WDR74: variants seen among roughly 807,000 people sequenced by gnomAD.
WDR74 encodes the protein WD repeat domain 74.
WDR74 carries 31 observed loss-of-function variants against 45.6 expected under a neutral mutation model. That is an observed-to-expected ratio of 0.68 (90% confidence interval 0.51 to 0.92). The LOEUF (loss-of-function observed/expected upper bound fraction) is 0.92, where lower values mean the gene tolerates loss of function less well. Ranked by LOEUF, WDR74 falls within the 40% of genes least tolerant of loss-of-function variation. The pLI, the probability that WDR74 is intolerant of heterozygous loss-of-function variation, is 0.00. For synonymous variants in WDR74, 191 were observed against 192.4 expected, an observed-to-expected ratio of 0.99 and a Z score of 0.06; for missense variants, 455 against 497.2, an observed-to-expected ratio of 0.92 and a Z score of 0.81.
upstream of WDR74, among the ~76,000 whole-genome samples, chr11:62,841,381 G>A (rs75212707): frequency 0.085 from 12,981 of 152,160 alleles, 688 homozygotes; most frequent in East Asian, 0.15. Flanking sequence ...GCGCTCAATA[G>A]TTCCAACTAC....
In WDR74 at chr11:62,833,830, T is replaced by A; in HGVS notation, c.883A>T (p.Ile295Leu). 1.2e-6 allele frequency: 2 copies of A among 1,613,934 alleles called. No individual in the cohort carries two copies. The highest frequency in any genetic ancestry group is 1.7e-6 in the Non-Finnish European group (2 of 1,179,872). Residue 295 changes from isoleucine to leucine, a missense_variant, in exon 9 of 11, where the codon ATA (isoleucine) becomes TTA (leucine). By Grantham distance (5) the Ile-to-Leu change is conservative. Transcript: ENST00000278856. Reference protein sequence around the residue: ...ASCGLDRVLRIHRIQNPRGLE... With the variant: ...ASCGLDRVLRLHRIQNPRGLE... The stretch of plus-strand genomic sequence containing the variant: ...CCCCGTGGATTCTGGATCCTGTGTA[T>A]CCTCAAGACTCTGTCCAAGCCACAG...
chr11:62,838,769 A>C (rs1255886336), intron 3 of WDR74, among the ~76,000 whole-genome samples: 5 of 151,828 alleles, frequency 3.3e-5, no homozygotes, highest in Admixed American at 6.6e-5. Flanking sequence ...CCAAAAAAAA[A>C]AAAAACAAAA....
Position 62,833,105 on chromosome 11 carries a change from G to A in WDR74, c.1005C>T (p.Pro335=), listed in dbSNP as rs2084896735. 6.2e-7 allele frequency: 1 copy of A among 1,612,896 alleles called. No homozygotes were observed. Among genetic ancestry groups the A allele is most frequent in the Non-Finnish European group, 8.5e-7 (1 of 1,179,548 alleles). ...CTGTGTCTTCTAGGGGCACCTTGTT[G>A]GGTTCTTGAGGCTCTTGGGGCTCAT... The part of the protein sequence containing the change: ...WEDEPQEPQE[P]NKVPLEDTET... Residue 335 remains proline, a synonymous_variant, in exon 11 of 11, where the codon CCC becomes CCT. Transcript: ENST00000278856.
chr11:62,833,473 G>A lies in WDR74; in HGVS notation c.978+145C>T, dbSNP rs1419707564. 3.8e-5 allele frequency: 39 copies of A among 1,024,758 alleles called. 1 individual carries two copies. The South Asian group carries it at 6.0e-4, about 16-fold the overall frequency. 63.5% of individuals were successfully genotyped at this position (1,024,758 alleles called of 1,614,324 possible). ...CAATAACCCTCTCAGGATTTTAACT[G>A]TTAATGCCTCTCAGAGAAATTAAGT... On this transcript the variant is annotated intron_variant, in intron 10 of 10. Coordinates refer to ENST00000278856, the MANE Select transcript of WDR74 (RefSeq NM_001369450.1).
chr11:62,841,606 T>TCTCTCCC (rs1565225787), upstream of WDR74: 1 of 152,116 alleles, frequency 6.6e-6, no homozygotes, highest in Non-Finnish European at 1.5e-5. Flanking sequence ...CAACGGTTGT[T>TCTCTCCC]CTCTCCCCGA....
chr11:62,837,301 T>C (rs1247300457), intron 3 of WDR74, among the ~76,000 whole-genome samples: 2 of 152,044 alleles, frequency 1.3e-5, no homozygotes, highest in Non-Finnish European at 2.9e-5. Context: ...CAGACTAGCC[T>C]GGCCAACATA....
In WDR74 at chr11:62,834,482, C is replaced by G; in HGVS notation, c.664G>C (p.Glu222Gln). ...AGTGGGTACTCTCCATAGGTGGTCT[C>G]TAGGACTGGCCGGCGCTGGGGGGAT... is the stretch of plus-strand genomic sequence containing the variant. ...PASPQRRPVL[E>Q]TTYGEYPLTA... Residue 222 changes from glutamate (E) to glutamine (Q), a missense_variant, in exon 7 of 11, where the codon GAG becomes CAG. Transcript: ENST00000278856. The G allele has an allele frequency of 6.3e-7, 1 of 1,598,530 alleles. No individual in the cohort carries two copies. The highest frequency in any genetic ancestry group is 1.7e-4 in the Middle Eastern group (1 of 5,992).
chr11:62,839,542 T>G lies in WDR74; in HGVS notation c.29A>C (p.His10Pro), dbSNP rs771676502. The G allele has an allele frequency of 6.2e-7, 1 of 1,613,204 alleles. No individual in the cohort carries two copies. The highest frequency in any genetic ancestry group is 8.5e-7 in the Non-Finnish European group (1 of 1,179,674). MAAAAARWN[H>P]VWVGTETGIL... The stretch of plus-strand genomic sequence containing the variant: ...CCCAGTCTCGGTGCCGACCCACACA[T>G]GGTTCCAGCGTGCAGCAGCAGCCGC... Residue 10 changes from histidine to proline, a missense_variant, in exon 1 of 11, where the codon CAT becomes CCT. His to Pro is a moderately conservative substitution (Grantham distance 77). Coordinates refer to ENST00000278856, the MANE Select transcript of WDR74 (RefSeq NM_001369450.1).
rs1057041693 is a variant in WDR74 at position 62,837,001 on chromosome 11, G to A, written c.294-965C>T. On this transcript the variant is annotated intron_variant, in intron 3 of 10. Transcript: ENST00000278856. ...TGAGGCAGGAGAATCGCCTGAACCAGGGAGGTGGAGGTTGCAGTGAGCCGA... is the reference window on the plus strand; with the variant it reads ...TGAGGCAGGAGAATCGCCTGAACCAAGGAGGTGGAGGTTGCAGTGAGCCGA... Among the ~76,000 whole-genome samples the A allele has an allele frequency of 2.6e-5, 4 of 152,176 alleles. No individual in the cohort carries two copies. The East Asian group carries it at 7.7e-4, about 29-fold the overall frequency.
At chr11:62,837,235 G>A (rs145134701) in intron 3 of WDR74, among the ~76,000 whole-genome samples, 70 of 150,802 alleles carry the variant, frequency 4.6e-4, no homozygotes, top group African/African-American at 1.6e-3. Flanking sequence ...GTTCACGCCT[G>A]TAATCCCAGC....
At chr11:62,835,209 T>G (rs1444898176) in intron 6 of WDR74, 7 of 552,040 alleles carry the variant, frequency 1.3e-5, no homozygotes, top group Non-Finnish European at 2.3e-5. Context: ...TCTCCTTTCC[T>G]CTCTTCCAGG....
intron 3 of WDR74, among the ~76,000 whole-genome samples, chr11:62,837,285 G>A (rs1402597118): frequency 6.6e-6 from 1 of 152,026 alleles, no homozygotes; most frequent in African/African-American, 2.4e-5. Context: ...CTGAGGTCAG[G>A]AGTTCCAGAC....
rs746358516 is a variant in WDR74 at position 62,839,526 on chromosome 11, G to A, written c.45C>T (p.Thr15=). ...ACCCACCTTTCAAGATCCCAGTCTC[G>A]GTGCCGACCCACACATGGTTCCAGC... The part of the protein sequence containing the change: ...AARWNHVWVG[T]ETGILKGVNL... The change falls in exon 1 of 11, where the codon ACC becomes ACT. Residue 15 remains threonine (T), a synonymous_variant. Coordinates refer to ENST00000278856, the MANE Select transcript of WDR74 (RefSeq NM_001369450.1). The A allele has an allele frequency of 5.6e-6, 9 of 1,613,408 alleles. No homozygotes were observed. The highest frequency in any genetic ancestry group is 2.7e-5 in the African/African-American group (2 of 74,920).
At chr11:62,841,513 C>G (rs115367209), upstream of WDR74, 14 of 152,054 alleles carry the variant, frequency 9.2e-5, no homozygotes, top group South Asian at 1.2e-3. Flanking sequence ...AACACACTAG[C>G]GATAAAAACA....
At chr11:62,838,452 G>A (rs372502336) in intron 3 of WDR74, among the ~76,000 whole-genome samples, 3 of 151,294 alleles carry the variant, frequency 2.0e-5, no homozygotes, top group Admixed American at 6.6e-5. Flanking sequence ...ACCACACCCA[G>A]CCTTGCTTAA....
intron 10 of WDR74, 85 bp from the exon 11 acceptor site, chr11:62,833,216 G>C: frequency 7.0e-7 from 1 of 1,420,344 alleles, no homozygotes; most frequent in Non-Finnish European, 9.6e-7. Flanking sequence ...GGGAGACCAA[G>C]GCAGGAGGAT....
chr11:62,836,130 TA>T, intron 3 of WDR74, 94 bp from the exon 4 acceptor site: 1 of 1,262,012 alleles, frequency 7.9e-7, no homozygotes, highest in Non-Finnish European at 1.1e-6. Flanking sequence ...GACTAATGTT[TA>T]AAGAAAAAAA....
chr11:62,841,680 A>T (rs1201146290), upstream of WDR74: 1 of 152,006 alleles, frequency 6.6e-6, no homozygotes, highest in Non-Finnish European at 1.5e-5. Flanking sequence ...TGGACGGAGC[A>T]AGCTCCTATT....
intron 3 of WDR74, 102 bp downstream of exon 3, chr11:62,839,012 G>T: frequency 1.3e-6 from 2 of 1,527,528 alleles, no homozygotes; most frequent in South Asian, 1.2e-5. Flanking sequence ...CCCATTCAAA[G>T]CCGTGTCACT....
Sources: allele counts gnomAD v4.1 joint callset (sites outside exome capture counted in the v4.1 genomes callset), GRCh38; gene constraint gnomAD v4.1.1; transcripts MANE v1.5; gene names NCBI Gene and HGNC (gene_info 2026-07-23, HGNC 2026-07-21).